Variants in RBMS3 observed in about 807,000 individuals in gnomAD.
RBMS3 encodes the protein RNA-binding motif, single-stranded-interacting protein 3.
In RBMS3, 27 loss-of-function variants were observed where a neutral mutation model predicts 66.8. The observed-to-expected ratio is 0.40, with a 90% CI of 0.30 to 0.56. The LOEUF is 0.56. Ranked by LOEUF, RBMS3 falls within the 20% of genes least tolerant of loss-of-function variation. The pLI is 0.40. For synonymous variants in RBMS3, 188 were observed against 183.0 expected, an observed-to-expected ratio of 1.03 and a Z score of -0.22; for missense variants, 513 against 549.5, an observed-to-expected ratio of 0.93 and a Z score of 0.66.
chr3:29,494,533 C>T (rs895205991), intron 3 of RBMS3, among the ~76,000 whole-genome samples: 4 of 152,170 alleles, frequency 2.6e-5, no homozygotes, highest in Admixed American at 1.3e-4. Flanking sequence ...AAAAACAGAC[C>T]ACAGTTCTCA....
chr3:29,383,276 C>G (rs897474990), intron 1 of RBMS3, among the ~76,000 whole-genome samples: 5 of 152,116 alleles, frequency 3.3e-5, no homozygotes, highest in African/African-American at 7.2e-5. Flanking sequence ...GGAAATATTC[C>G]TCTGATTAGA....
intron 3 of RBMS3, among the ~76,000 whole-genome samples, chr3:29,522,408 G>C (rs866970868): frequency 3.0e-4 from 46 of 152,214 alleles, no homozygotes; most frequent in Non-Finnish European, 2.2e-4. Flanking sequence ...TGGCCAGGCT[G>C]GTCCTAAACT....
At chr3:29,424,407 G>A (rs9813729) in intron 1 of RBMS3, among the ~76,000 whole-genome samples, 2,858 of 152,274 alleles carry the variant, frequency 0.019, 93 homozygotes, top group African/African-American at 0.065. Flanking sequence ...CAGCCCAGGC[G>A]TTTCAGATGC....
At chr3:29,486,823 T>A (rs74640029) in intron 2 of RBMS3, among the ~76,000 whole-genome samples, 2 of 152,214 alleles carry the variant, frequency 1.3e-5, no homozygotes, top group African/African-American at 4.8e-5. Context: ...AAGGTTCTTA[T>A]ATAAAAATTT....
chr3:29,749,019 C>T (rs2055057254), intron 5 of RBMS3, among the ~76,000 whole-genome samples: 1 of 152,142 alleles, frequency 6.6e-6, no homozygotes, highest in Admixed American at 6.5e-5. Flanking sequence ...ATTGAATCAT[C>T]CTGGTCTTTA....
chr3:29,505,192 C>T (rs544893370), intron 3 of RBMS3, among the ~76,000 whole-genome samples: 63 of 152,010 alleles, frequency 4.1e-4, no homozygotes, highest in African/African-American at 1.5e-3. Flanking sequence ...AGTTTCAGGT[C>T]TTATATTTAC....
chr3:29,920,869 A>AC (rs1163672764), intron 10 of RBMS3, among the ~76,000 whole-genome samples: 6 of 150,770 alleles, frequency 4.0e-5, no homozygotes, highest in African/African-American at 1.2e-4. Context: ...AAAAAAAAAA[A>AC]AAACCTCAGA....
intron 4 of RBMS3, among the ~76,000 whole-genome samples, chr3:29,629,690 A>G (rs1457649): frequency 0.094 from 14,223 of 152,100 alleles, 1,193 homozygotes; most frequent in East Asian, 0.35. Context: ...CTAAGGCCAA[A>G]TGGTGAATCA....
At chr3:29,520,902 G>A (rs2044831497) in intron 3 of RBMS3, among the ~76,000 whole-genome samples, 1 of 152,072 alleles carries the variant, frequency 6.6e-6, no homozygotes, top group South Asian at 2.1e-4. Flanking sequence ...CAAGGTTCAT[G>A]TCAAAACTAA....
intron 8 of RBMS3, among the ~76,000 whole-genome samples, chr3:29,891,924 C>A (rs2060010355): frequency 6.6e-6 from 1 of 151,428 alleles, no homozygotes; most frequent in African/African-American, 2.4e-5. Flanking sequence ...TGCCTGTGGA[C>A]ATGAAACACA....
At chr3:29,552,178 C>G (rs760164404) in intron 3 of RBMS3, among the ~76,000 whole-genome samples, 3 of 152,098 alleles carry the variant, frequency 2.0e-5, no homozygotes, top group Admixed American at 2.0e-4. Flanking sequence ...TTTACTCTTG[C>G]TGAAGTTCGT....
At chr3:30,000,594 G>A (rs771420002) in intron 14 of RBMS3, among the ~76,000 whole-genome samples, 5 of 152,112 alleles carry the variant, frequency 3.3e-5, no homozygotes, top group African/African-American at 7.2e-5. Flanking sequence ...GCCCACGAAT[G>A]TTTACTGTGG....
At chr3:29,731,521 C>A (rs966274175) in intron 4 of RBMS3, among the ~76,000 whole-genome samples, 7 of 152,088 alleles carry the variant, frequency 4.6e-5, no homozygotes, top group African/African-American at 1.7e-4. Context: ...TTTTTAGGTA[C>A]CATTTAAGGG....
At chr3:29,292,663 GC>G (rs1465289196) in intron 1 of RBMS3, among the ~76,000 whole-genome samples, 4 of 151,510 alleles carry the variant, frequency 2.6e-5, no homozygotes, top group Non-Finnish European at 5.9e-5. Flanking sequence ...GTCAATAGCA[GC>G]CTAGTAAAAA....
At chr3:29,596,404 G>T (rs2047944091) in intron 4 of RBMS3, among the ~76,000 whole-genome samples, 1 of 152,164 alleles carries the variant, frequency 6.6e-6, no homozygotes, top group African/African-American at 2.4e-5. Flanking sequence ...TATCTATTCT[G>T]CAAAAAGGCA....
chr3:29,974,779 TTATATTTTATATATAAAATACGTTTA>T lies in RBMS3; in HGVS notation c.1099-13330_1099-13305del, dbSNP rs1335663092. The stretch of plus-strand genomic sequence containing the variant: ...ATAGAGCACTTTGTTTCTCATTGTT[TTATATTTTATATATAAAATACGTTTA>T]TATATTTTATATATAAAATACGTTT... On this transcript the variant is annotated intron_variant, in intron 12 of 14. Transcript: ENST00000383767. Among the ~76,000 whole-genome samples the T allele has an allele frequency of 2.4e-4, 34 of 142,956 alleles. 4 individuals are homozygous for T. The highest frequency in any genetic ancestry group is 5.5e-4 in the African/African-American group (21 of 38,460). 93.8% of individuals were successfully genotyped at this position (142,956 alleles called of 152,430 possible). A position where few individuals can be genotyped will look rare whatever the true frequency, so the allele number is the denominator to read the frequency against.
At chr3:29,372,314 G>C (rs576012796) in intron 1 of RBMS3, among the ~76,000 whole-genome samples, 1 of 152,062 alleles carries the variant, frequency 6.6e-6, no homozygotes, top group Non-Finnish European at 1.5e-5. Context: ...GGGTGACAGA[G>C]CAAGACTCTG....
intron 4 of RBMS3, among the ~76,000 whole-genome samples, chr3:29,633,919 C>CT (rs910133760): frequency 1.3e-5 from 2 of 151,848 alleles, no homozygotes; most frequent in African/African-American, 4.8e-5. Flanking sequence ...ATAATCTCAT[C>CT]TTTTTTTCTA....
intron 1 of RBMS3, among the ~76,000 whole-genome samples, chr3:29,358,578 T>C (rs1454152979): frequency 6.6e-6 from 1 of 152,192 alleles, no homozygotes; most frequent in African/African-American, 2.4e-5. Context: ...TCCAATTCTG[T>C]GAAGAAAGTC....
Sources: gnomAD v4.1 joint callset for allele counts (sites outside exome capture counted in the v4.1 genomes callset) on GRCh38, gnomAD v4.1.1 for gene constraint, MANE v1.5 for transcripts, NCBI Gene and HGNC (gene_info 2026-07-23, HGNC 2026-07-21) for gene names.